Variants in GRM7 observed in about 807,000 individuals in gnomAD.
GRM7 encodes metabotropic glutamate receptor 7.
A neutral mutation model predicts 84.5 loss-of-function variants in GRM7; 35 were observed. The observed-to-expected ratio is 0.41, with a 90% CI of 0.32 to 0.55. GRM7 has a LOEUF of 0.55. Among genes scored for constraint, GRM7 ranks in the 20% least tolerant of loss-of-function variants. The probability of loss-of-function intolerance (pLI) is 0.19; values close to 1 mark genes in which losing one functional copy is unlikely to be tolerated. For missense variants in GRM7, 1,003 were observed against 1,194.6 expected (o/e 0.84, Z 2.36); for synonymous variants, 487 against 455.1 (o/e 1.07, Z -0.89).
chr3:7,738,691 G>A (rs1394436308), intron 9 of GRM7, among the ~76,000 whole-genome samples: 2 of 150,922 alleles, frequency 1.3e-5, no homozygotes, highest in East Asian at 3.9e-4. Flanking sequence ...GGTGGTCTCA[G>A]GTATTTAGGT....
intron 9 of GRM7, among the ~76,000 whole-genome samples, chr3:7,707,783 T>G (rs1027417112): frequency 6.6e-6 from 1 of 152,204 alleles, no homozygotes; most frequent in Admixed American, 6.5e-5. Context: ...TCTTTAACTA[T>G]GGCCTCTCTG....
intron 9 of GRM7, among the ~76,000 whole-genome samples, chr3:7,719,949 G>A (rs539102663): frequency 1.1e-4 from 17 of 152,108 alleles, no homozygotes; most frequent in Non-Finnish European, 2.5e-4. Context: ...TAATAATTAT[G>A]ATGGTGGAAT....
At chr3:7,132,525 A>ATCTT (rs1693636269) in intron 1 of GRM7, among the ~76,000 whole-genome samples, 1 of 152,206 alleles carries the variant, frequency 6.6e-6, no homozygotes, top group Non-Finnish European at 1.5e-5. Flanking sequence ...AATCGTATAA[A>ATCTT]TCTTTTTTTG....
intron 4 of GRM7, among the ~76,000 whole-genome samples, chr3:7,337,288 A>G (rs961534817): frequency 6.6e-6 from 1 of 152,136 alleles, no homozygotes; most frequent in African/African-American, 2.4e-5. Context: ...ACTTAAATCT[A>G]AGACCTCTAA....
chr3:7,072,931 A>C (rs60445737), intron 1 of GRM7, among the ~76,000 whole-genome samples: 10 of 152,084 alleles, frequency 6.6e-5, no homozygotes, highest in Non-Finnish European at 1.3e-4. Flanking sequence ...GACATTGAGC[A>C]CTCCTCAAGC....
At chr3:7,248,675 T>C (rs534949710) in intron 2 of GRM7, among the ~76,000 whole-genome samples, 1 of 152,270 alleles carries the variant, frequency 6.6e-6, no homozygotes, top group African/African-American at 2.4e-5. Context: ...AATAATGTGG[T>C]TTTGAGTTCT....
At chr3:7,447,106 A>G (rs543407023) in intron 5 of GRM7, among the ~76,000 whole-genome samples, 1 of 152,194 alleles carries the variant, frequency 6.6e-6, no homozygotes, top group Non-Finnish European at 1.5e-5. Context: ...TAAGCTTTGC[A>G]TACTAGAGAG....
Position 7,277,333 on chromosome 3 carries a change from G to C in GRM7, c.737-21351G>C, listed in dbSNP as rs183589903. ...TTTTTAACCAAGTAAGACAATTTTT[G>C]GAAAAATCAATTTTATCCTCATTAT... is the stretch of plus-strand genomic sequence containing the variant. On this transcript the variant is annotated intron_variant, in intron 2 of 9. Transcript: ENST00000357716. Among the ~76,000 whole-genome samples, 71 of 151,638 alleles carry C rather than the reference G, an allele frequency of 4.7e-4. 1 individual carries two copies. In the East Asian group the frequency reaches 0.014, roughly 29 times the overall value.
At chr3:7,141,259 A>T (rs1447275412) in intron 1 of GRM7, among the ~76,000 whole-genome samples, 1 of 152,062 alleles carries the variant, frequency 6.6e-6, no homozygotes. Context: ...GGTAGAAGAC[A>T]AAAAGAAAAT....
At chr3:7,678,371 A>C (rs561667751) in intron 8 of GRM7, among the ~76,000 whole-genome samples, 144 of 152,326 alleles carry the variant, frequency 9.5e-4, no homozygotes, top group African/African-American at 3.2e-3. Flanking sequence ...AACAAAACCT[A>C]AGATCCCATA....
At chr3:7,538,508 C>T (rs2125012930) in intron 7 of GRM7, among the ~76,000 whole-genome samples, 1 of 152,320 alleles carries the variant, frequency 6.6e-6, no homozygotes, top group Middle Eastern at 3.4e-3. Flanking sequence ...AGGGAATCTG[C>T]ATCAGCAAAA....
At chr3:7,351,040 AC>A (rs1693118360) in intron 4 of GRM7, among the ~76,000 whole-genome samples, 1 of 152,156 alleles carries the variant, frequency 6.6e-6, no homozygotes, top group East Asian at 1.9e-4. Context: ...GGTTGCTAAA[AC>A]CCTAAAACAG....
chr3:7,727,129 A>C (rs533997756), intron 9 of GRM7, among the ~76,000 whole-genome samples: 2 of 152,186 alleles, frequency 1.3e-5, no homozygotes, highest in Non-Finnish European at 1.5e-5. Flanking sequence ...TATAGCACAT[A>C]AGCATTTTCT....
Position 7,589,973 on chromosome 3 carries a change from A to C in GRM7, c.2451+10616A>C, listed in dbSNP as rs192169119. On this transcript the variant is annotated intron_variant, in intron 8 of 9. Coordinates refer to ENST00000357716, the MANE Select transcript of GRM7 (RefSeq NM_000844.4). ...TTCATACAGGTCTAAAAAAAACCTGACTAGTAGATGTACTGAAACAGCAAC... is the reference window on the plus strand; with the variant it reads ...TTCATACAGGTCTAAAAAAAACCTGCCTAGTAGATGTACTGAAACAGCAAC... Among the ~76,000 whole-genome samples, 221 of 152,288 alleles carry C rather than the reference A, an allele frequency of 1.5e-3. 1 individual carries two copies. The highest frequency in any genetic ancestry group is 4.8e-3 in the African/African-American group (200 of 41,552).
chr3:7,138,703 AG>A (rs1693848238), intron 1 of GRM7, among the ~76,000 whole-genome samples: 1 of 151,802 alleles, frequency 6.6e-6, no homozygotes, highest in South Asian at 2.1e-4. Flanking sequence ...AATCAGCAAA[AG>A]GAAAATTAAT....
At chr3:7,419,926 T>C (rs1301373749) in intron 5 of GRM7, among the ~76,000 whole-genome samples, 1 of 152,208 alleles carries the variant, frequency 6.6e-6, no homozygotes, top group Non-Finnish European at 1.5e-5. Context: ...CAGTTTTGAT[T>C]TGTGTCCCTA....
intron 7 of GRM7, among the ~76,000 whole-genome samples, chr3:7,534,208 T>A (rs565397972): frequency 6.6e-6 from 1 of 152,196 alleles, no homozygotes; most frequent in African/African-American, 2.4e-5. Context: ...CAGACAGGGT[T>A]TCAACATATT....
At chr3:6,949,135 A>T (rs1446804521) in intron 1 of GRM7, among the ~76,000 whole-genome samples, 1 of 152,158 alleles carries the variant, frequency 6.6e-6, no homozygotes, top group East Asian at 1.9e-4. Context: ...TAGTTGATGC[A>T]GTTTATTCCT....
chr3:6,898,664 GGT>G (rs1696276451), intron 1 of GRM7, among the ~76,000 whole-genome samples: 1 of 152,068 alleles, frequency 6.6e-6, no homozygotes, highest in Non-Finnish European at 1.5e-5. Context: ...GGTTGGCTGA[GGT>G]TACCTATTTT....
Sources: gnomAD v4.1 joint callset for allele counts (sites outside exome capture counted in the v4.1 genomes callset) on GRCh38, gnomAD v4.1.1 for gene constraint, MANE v1.5 for transcripts, NCBI Gene and HGNC (gene_info 2026-07-23, HGNC 2026-07-21) for gene names.